Variants in PCDHGB5 observed in about 807,000 individuals in gnomAD.
PCDHGB5 encodes protocadherin gamma-B5.
Under a neutral mutation model 62.9 loss-of-function variants are expected in PCDHGB5, and 48 were observed. The observed-to-expected ratio is 0.76, with a 90% CI of 0.61 to 0.97. The LOEUF (loss-of-function observed/expected upper bound fraction) is 0.97, where lower values mean the gene tolerates loss of function less well. Ranked by LOEUF, PCDHGB5 falls within the 50% of genes least tolerant of loss-of-function variation. PCDHGB5 has a pLI of 0.00. For missense variants in PCDHGB5, 1,118 were observed against 1,198.6 expected, an observed-to-expected ratio of 0.93 and a Z score of 0.99; for synonymous variants, 474 against 511.2, an observed-to-expected ratio of 0.93 and a Z score of 0.98.
chr5:141,485,421 C>G lies in PCDHGB5; in HGVS notation c.2398-9386C>G. The G allele has an allele frequency of 6.2e-7, 1 of 1,614,112 alleles. No individual in the cohort carries two copies. The highest frequency in any genetic ancestry group is 1.1e-5 in the South Asian group (1 of 91,080). ...TTCCGTGTGGATTTGGACAGCGGAG[C>G]CCTGCTCATCAAGAACCCAATCGAC... On this transcript the variant is annotated intron_variant, in intron 1 of 3. Transcript: ENST00000617380. This position sits in a 1 kb window ranked among gnomAD's most constrained non-coding sequence, Gnocchi z 5.7.
chr5:141,408,669 C>T lies in PCDHGB5; in HGVS notation c.2397+8145C>T, dbSNP rs2095146839. ...GCTGGTACACGACTATCGCTTGACCCTGCCACGGATCCTGATATAAACATA... is the reference window on the plus strand; with the variant it reads ...GCTGGTACACGACTATCGCTTGACCTTGCCACGGATCCTGATATAAACATA... On this transcript the variant is annotated intron_variant, in intron 1 of 3. Transcript: ENST00000617380. The T allele has an allele frequency of 2.5e-6, 4 of 1,613,988 alleles. No homozygotes were observed. Among genetic ancestry groups the T allele is most frequent in the South Asian group, 2.2e-5 (2 of 91,078 alleles).
In PCDHGB5 at chr5:141,476,132, T is replaced by C. The variant is rs751708569; in HGVS notation, c.2398-18675T>C. 2 of 1,607,820 alleles carry C rather than the reference T, an allele frequency of 1.2e-6. No homozygotes were observed. The highest frequency in any genetic ancestry group is 1.1e-5 in the South Asian group (1 of 90,582). On this transcript the variant is annotated intron_variant, in intron 1 of 3. Coordinates refer to ENST00000617380, the MANE Select transcript of PCDHGB5 (RefSeq NM_018925.3). The surrounding 1 kb of genome is among the most constrained non-coding windows in gnomAD (Gnocchi z 7.6). ...TTTGAGTGAGATGGTCCCAGAGGCC[T>C]GGAGGAGCGGACTGGTAAGCACCGG...
intron 1 of PCDHGB5, chr5:141,404,337 C>T (rs766940096): frequency 5.0e-6 from 8 of 1,613,902 alleles, no homozygotes; most frequent in Admixed American, 1.7e-5. Flanking sequence ...GTCTACCTCC[C>T]GGAAAACAAC....
rs946798767 is a variant in PCDHGB5, at chr5:141,438,591, CATATATATAT to C, written c.2397+38103_2397+38112del. On this transcript the variant is annotated intron_variant, in intron 1 of 3. Transcript: ENST00000617380. The stretch of plus-strand genomic sequence containing the variant: ...TCTGATATACATACATACATACATA[CATATATATAT>C]ATATATATATATATATATATATATA... Among the ~76,000 whole-genome samples, 12 of 75,572 alleles carry C rather than the reference CATATATATAT, an allele frequency of 1.6e-4. No individual in the cohort carries two copies. The East Asian group carries it at 1.7e-3, about 11-fold the overall frequency. The allele number at this position is 75,572 out of a possible 152,430, so 49.6% of individuals were successfully genotyped here.
chr5:141,434,194 G>A (rs913533813), intron 1 of PCDHGB5, among the ~76,000 whole-genome samples: 7 of 152,190 alleles, frequency 4.6e-5, no homozygotes, highest in African/African-American at 4.8e-5. Flanking sequence ...TAATTCCAAT[G>A]TACTTACTTC....
chr5:141,421,235 A>G (rs1375447356), intron 1 of PCDHGB5: 3 of 1,594,470 alleles, frequency 1.9e-6, no homozygotes, highest in East Asian at 2.2e-5. Context: ...GCCATGGCGA[A>G]TCGGCTACAG....
Position 141,477,920 on chromosome 5 carries a change from C to A in PCDHGB5, c.2398-16887C>A, listed in dbSNP as rs755219711. ...GGTAGGCTGGGACGCGGATGCAGGGCACAATGCCTGGCTCTCCTACAGTCT... is the reference window on the plus strand; with the variant it reads ...GGTAGGCTGGGACGCGGATGCAGGGAACAATGCCTGGCTCTCCTACAGTCT... On this transcript the variant is annotated intron_variant, in intron 1 of 3. Transcript: ENST00000617380. The surrounding 1 kb of genome is among the most constrained non-coding windows in gnomAD (Gnocchi z 4.9). The A allele has an allele frequency of 6.2e-7, 1 of 1,614,180 alleles. No individual in the cohort carries two copies. The highest frequency in any genetic ancestry group is 8.5e-7 in the Non-Finnish European group (1 of 1,180,038).
rs1369956811 is a variant in PCDHGB5, at chr5:141,460,759, A to G, written c.2398-34048A>G. Among the ~76,000 whole-genome samples, 3 of 152,088 alleles carry G rather than the reference A, an allele frequency of 2.0e-5. No individual in the cohort carries two copies. In the East Asian group the frequency reaches 5.8e-4, roughly 29 times the overall value. On this transcript the variant is annotated intron_variant, in intron 1 of 3. Coordinates refer to ENST00000617380, the MANE Select transcript of PCDHGB5 (RefSeq NM_018925.3). ...ATTGTATATATATGTGTACATATAC[A>G]TATTGCATATGTATGTATACATATA...
intron 1 of PCDHGB5, among the ~76,000 whole-genome samples, chr5:141,450,267 C>T (rs971441306): frequency 4.6e-5 from 7 of 152,106 alleles, no homozygotes; most frequent in African/African-American, 1.7e-4. Context: ...ATCTGCCCAC[C>T]TCAGCTAAGT....
At chr5:141,447,623 C>G (rs940221130) in intron 1 of PCDHGB5, among the ~76,000 whole-genome samples, 1 of 152,042 alleles carries the variant, frequency 6.6e-6, no homozygotes, top group African/African-American at 2.4e-5. Flanking sequence ...AAAGTTGAAA[C>G]CAACAGTATG....
At position 141,476,402 on chromosome 5, in the gene PCDHGB5, G is replaced by A. The variant is rs775511298; in HGVS notation, c.2398-18405G>A. The stretch of plus-strand genomic sequence containing the variant: ...TGTGAACGACCGTCTGGATCGAGAG[G>A]AGCTGTGTGGGACACTGCCCTCTTG... On this transcript the variant is annotated intron_variant, in intron 1 of 3. Coordinates refer to ENST00000617380, the MANE Select transcript of PCDHGB5 (RefSeq NM_018925.3). This position sits in a 1 kb window ranked among gnomAD's most constrained non-coding sequence, Gnocchi z 7.6. 9 of 1,613,992 alleles carry A rather than the reference G, an allele frequency of 5.6e-6. No individual in the cohort carries two copies. Among genetic ancestry groups the A allele is most frequent in the African/African-American group, 1.3e-5 (1 of 74,904 alleles).
intron 1 of PCDHGB5, chr5:141,417,974 G>A: frequency 6.2e-7 from 1 of 1,613,856 alleles, no homozygotes. Flanking sequence ...CTCGATTCCG[G>A]AGGAGCTGGC....
rs775654786 is a variant in PCDHGB5 at position 141,491,718 on chromosome 5, G to A, written c.2398-3089G>A. Reference sequence around the variant, plus strand: ...GGAGCCAGGTGAGGGGCTCGGCGCCGCCCCGGGCGACCCCTGGGGGCGGCA... The same window carrying A: ...GGAGCCAGGTGAGGGGCTCGGCGCCACCCCGGGCGACCCCTGGGGGCGGCA... On this transcript the variant is annotated intron_variant, in intron 1 of 3. Coordinates refer to ENST00000617380, the MANE Select transcript of PCDHGB5 (RefSeq NM_018925.3). This position sits in a 1 kb window ranked among gnomAD's most constrained non-coding sequence, Gnocchi z 6.9. 1 of 1,607,600 alleles carries A rather than the reference G, an allele frequency of 6.2e-7. No homozygotes were observed. The highest frequency in any genetic ancestry group is 2.2e-5 in the East Asian group (1 of 44,690).
chr5:141,426,887 G>A (rs1309180455), intron 1 of PCDHGB5: 1 of 456,646 alleles, frequency 2.2e-6, no homozygotes, highest in Non-Finnish European at 4.4e-6. Context: ...TGGGCCAGGA[G>A]CAACAGAGCT....
chr5:141,398,740 C>G lies in PCDHGB5; in HGVS notation c.613C>G (p.Gln205Glu). The G allele has an allele frequency of 1.2e-6, 2 of 1,613,864 alleles. No individual in the cohort carries two copies. Among genetic ancestry groups the G allele is most frequent in the Non-Finnish European group, 1.7e-6 (2 of 1,179,908 alleles). The change falls in exon 1 of 4, where the codon CAG becomes GAG. Residue 205 changes from glutamine to glutamate, a missense_variant. This residue lies in a region of PCDHGB5 where 1,034 missense variants were observed against 1,029.1 expected (regional missense o/e 1.00). Coordinates refer to ENST00000617380, the MANE Select transcript of PCDHGB5 (RefSeq NM_018925.3). ...ALEKTLDREQ[Q>E]SYHRLVLTAL... The stretch of plus-strand genomic sequence containing the variant: ...GGAGAAAACCTTAGACCGGGAACAA[C>G]AGAGTTACCATCGTTTAGTCCTGAC...
At position 141,432,325 on chromosome 5, in the gene PCDHGB5, C is replaced by T. The variant is rs752180978; in HGVS notation, c.2397+31801C>T. ...TGTATGCGCTGAGCTCCTTCGACTACGAGCAGTTCCGAGACTTGCAAGTGA... is the reference window on the plus strand; with the variant it reads ...TGTATGCGCTGAGCTCCTTCGACTATGAGCAGTTCCGAGACTTGCAAGTGA... On this transcript the variant is annotated intron_variant, in intron 1 of 3. Coordinates refer to ENST00000617380, the MANE Select transcript of PCDHGB5 (RefSeq NM_018925.3). The surrounding 1 kb of genome is among the most constrained non-coding windows in gnomAD (Gnocchi z 6.0). 68 of 1,614,142 alleles carry T rather than the reference C, an allele frequency of 4.2e-5. No individual in the cohort carries two copies. Among genetic ancestry groups the T allele is most frequent in the Non-Finnish European group, 5.2e-5 (61 of 1,180,050 alleles).
chr5:141,410,849 C>CTTTTTTTTTGTTTTTTTT (rs2095433801), intron 1 of PCDHGB5: 1 of 129,786 alleles, frequency 7.7e-6, no homozygotes, highest in African/African-American at 6.0e-5. Context: ...TTGTCTTTGT[C>CTTTTTTTTTGTTTTTTTT]TTTTTTTTTT....
chr5:141,423,327 A>C, intron 1 of PCDHGB5: 1 of 1,614,100 alleles, frequency 6.2e-7, no homozygotes, highest in Non-Finnish European at 8.5e-7. Context: ...CGGTGGCCGC[A>C]GTCTCCTGCA....
At chr5:141,447,163 G>T (rs11167747) in intron 1 of PCDHGB5, among the ~76,000 whole-genome samples, 6,233 of 151,894 alleles carry the variant, frequency 0.041, 196 homozygotes, top group Admixed American at 0.075. Flanking sequence ...TGTTTAAGCG[G>T]GGTCTTGCTC....
Sources: allele counts gnomAD v4.1 joint callset (sites outside exome capture counted in the v4.1 genomes callset), GRCh38; gene constraint gnomAD v4.1.1; regional missense constraint gnomAD v4.1.1; non-coding constraint Gnocchi (gnomAD v3.1); transcripts MANE v1.5; gene names NCBI Gene and HGNC (gene_info 2026-07-23, HGNC 2026-07-21).